The following RNLS variants were observed in gnomAD, a reference collection of about 807,000 sequenced individuals.
RNLS encodes the protein renalase, FAD dependent amine oxidase.
A neutral mutation model predicts 39.8 loss-of-function variants in RNLS; 39 were observed. The ratio of observed to expected loss-of-function variants is 0.98; its 90% CI spans 0.76 to 1.28. The LOEUF (loss-of-function observed/expected upper bound fraction) is 1.28, where lower values mean the gene tolerates loss of function less well. RNLS is among the 50% of genes most tolerant of loss of function. The probability of loss-of-function intolerance (pLI) is 0.00; values close to 1 mark genes in which losing one functional copy is unlikely to be tolerated. For missense variants in RNLS, 410 were observed against 413.3 expected, an observed-to-expected ratio of 0.99 and a Z score of 0.07; for synonymous variants, 147 against 150.7, an observed-to-expected ratio of 0.98 and a Z score of 0.18.
Position 88,329,291 on chromosome 10 carries a change from G to A in RNLS, c.701-14650C>T, listed in dbSNP as rs185307931. ...TGGTCTTGAACTCCTGGCCTCAAAC[G>A]ATCCTCCTGCCTTAGCTTCCCAAAG... On this transcript the variant is annotated intron_variant, in intron 5 of 6. Coordinates refer to ENST00000331772, the MANE Select transcript of RNLS (RefSeq NM_001031709.3). Among the ~76,000 whole-genome samples, 114 of 152,034 alleles carry A rather than the reference G, an allele frequency of 7.5e-4. 1 individual carries two copies. Among genetic ancestry groups the A allele is most frequent in the Non-Finnish European group, 1.5e-3 (101 of 67,954 alleles).
intron 5 of RNLS, among the ~76,000 whole-genome samples, chr10:88,327,943 C>T (rs993776062): frequency 2.0e-5 from 3 of 152,132 alleles, no homozygotes; most frequent in African/African-American, 7.2e-5. Context: ...GAGTCTTGCT[C>T]TGTCACCCAG....
At chr10:88,498,093 T>C (rs980983178) in intron 4 of RNLS, among the ~76,000 whole-genome samples, 1 of 152,024 alleles carries the variant, frequency 6.6e-6, no homozygotes, top group Non-Finnish European at 1.5e-5. Context: ...CCCAACAAAT[T>C]ACTTATTCAT....
chr10:88,403,349 TATTA>T (rs1366260455), intron 4 of RNLS, among the ~76,000 whole-genome samples: 1 of 152,112 alleles, frequency 6.6e-6, no homozygotes, highest in Non-Finnish European at 1.5e-5. Flanking sequence ...TATTTGATGA[TATTA>T]ATTTTGTGAT....
At chr10:88,348,714 T>A (rs550254565) in intron 5 of RNLS, among the ~76,000 whole-genome samples, 167 of 152,270 alleles carry the variant, frequency 1.1e-3, no homozygotes, top group African/African-American at 3.5e-3. Flanking sequence ...CCTATTAAAG[T>A]TTCTGATTTA....
intron 6 of RNLS, among the ~76,000 whole-genome samples, chr10:88,289,505 C>T (rs1831992779): frequency 6.6e-6 from 1 of 152,144 alleles, no homozygotes; most frequent in South Asian, 2.1e-4. Flanking sequence ...CATTGTTGCT[C>T]AGCCAGGCAA....
chr10:88,254,965 A>C, the RNLS span, among the ~76,000 whole-genome samples: 1 of 152,246 alleles, frequency 6.6e-6, no homozygotes, highest in African/African-American at 2.4e-5. Context: ...GCCAGAAATA[A>C]GACATTTTGA....
At chr10:88,472,472 T>C (rs1317101427) in intron 4 of RNLS, among the ~76,000 whole-genome samples, 1 of 151,756 alleles carries the variant, frequency 6.6e-6, no homozygotes, top group East Asian at 1.9e-4. Flanking sequence ...GGCATGAAAA[T>C]GGAAGGGATC....
At chr10:88,426,230 A>G (rs965753264) in intron 4 of RNLS, among the ~76,000 whole-genome samples, 10 of 152,092 alleles carry the variant, frequency 6.6e-5, no homozygotes, top group Admixed American at 1.3e-4. Flanking sequence ...CCCATACTGA[A>G]GGTCATACCA....
chr10:88,292,588 A>C (rs1454438735), intron 6 of RNLS, among the ~76,000 whole-genome samples: 2 of 151,384 alleles, frequency 1.3e-5, no homozygotes, highest in Non-Finnish European at 2.9e-5. Context: ...AAAAAAAAAA[A>C]AAACCTAGTT....
chr10:88,294,376 A>G (rs924159223), intron 6 of RNLS, among the ~76,000 whole-genome samples: 2 of 152,206 alleles, frequency 1.3e-5, no homozygotes, highest in African/African-American at 4.8e-5. Flanking sequence ...CAGTGGAACA[A>G]TACTATTAGC....
chr10:88,581,142 T>C (rs1364650942), intron 3 of RNLS, among the ~76,000 whole-genome samples: 1 of 151,824 alleles, frequency 6.6e-6, no homozygotes, highest in African/African-American at 2.4e-5. Context: ...TAGACAATCA[T>C]TAAAGAAAAT....
chr10:88,224,617 T>C, the RNLS span, among the ~76,000 whole-genome samples: 2 of 152,180 alleles, frequency 1.3e-5, no homozygotes, highest in Admixed American at 1.3e-4. Context: ...TTTTGTTCCT[T>C]ATATCCAAAG....
At chr10:88,419,721 C>T (rs181454299) in intron 4 of RNLS, among the ~76,000 whole-genome samples, 2 of 152,184 alleles carry the variant, frequency 1.3e-5, no homozygotes, top group African/African-American at 2.4e-5. Context: ...AAAAAAGGCA[C>T]TGGCTGGGGG....
the RNLS span, among the ~76,000 whole-genome samples, chr10:88,262,630 G>T: frequency 6.6e-6 from 1 of 152,188 alleles, no homozygotes; most frequent in East Asian, 1.9e-4. Flanking sequence ...TATGATAAGT[G>T]TGTAAATTTA....
At chr10:88,459,953 G>C (rs180891262) in intron 4 of RNLS, among the ~76,000 whole-genome samples, 1 of 152,122 alleles carries the variant, frequency 6.6e-6, no homozygotes, top group African/African-American at 2.4e-5. Flanking sequence ...ACACTTTCTG[G>C]TGTCTTTTAG....
intron 4 of RNLS, among the ~76,000 whole-genome samples, chr10:88,371,071 A>G (rs1354845351): frequency 6.6e-6 from 1 of 152,110 alleles, no homozygotes; most frequent in East Asian, 1.9e-4. Flanking sequence ...TTGGGTTTGA[A>G]TTCTGTTTCT....
chr10:88,485,642 CAAAAA>C (rs11366047), intron 4 of RNLS, among the ~76,000 whole-genome samples: 1 of 104,852 alleles, frequency 9.5e-6, no homozygotes, highest in Non-Finnish European at 2.0e-5. Flanking sequence ...AATGAAAAAC[CAAAAA>C]AAAAAAAAAA....
intron 4 of RNLS, among the ~76,000 whole-genome samples, chr10:88,466,064 T>C (rs1044936387): frequency 1.3e-5 from 2 of 151,984 alleles, no homozygotes; most frequent in African/African-American, 4.8e-5. Flanking sequence ...GTATCCATTG[T>C]TAGAAGGAGA....
At chr10:88,379,431 ATTT>A (rs11305759) in intron 4 of RNLS, among the ~76,000 whole-genome samples, 1 of 151,426 alleles carries the variant, frequency 6.6e-6, no homozygotes, top group African/African-American at 2.4e-5. Context: ...ATTTCAAATG[ATTT>A]TTTTTTTCTT....
Sources: allele counts gnomAD v4.1 joint callset (sites outside exome capture counted in the v4.1 genomes callset), GRCh38; gene constraint gnomAD v4.1.1; transcripts MANE v1.5; gene names NCBI Gene and HGNC (gene_info 2026-07-23, HGNC 2026-07-21).